ARHGAP29: variants seen among roughly 807,000 people sequenced by gnomAD.
The protein encoded by ARHGAP29 is rho GTPase-activating protein 29.
ARHGAP29 carries 43 observed loss-of-function variants against 122.6 expected under a neutral mutation model. The ratio of observed to expected loss-of-function variants is 0.35; its 90% CI spans 0.27 to 0.45. The LOEUF is 0.45. ARHGAP29 is among the 20% of genes least tolerant of loss of function. The pLI is 1.00. For missense variants in ARHGAP29, 1,303 were observed against 1,477.2 expected (o/e 0.88, Z 1.93); for synonymous variants, 506 against 497.1 (o/e 1.02, Z -0.24).
At position 94,200,548 on chromosome 1, in the gene ARHGAP29, G is replaced by A. The variant is rs140857559; in HGVS notation, c.1281+1172C>T. 1.2e-4 allele frequency among the ~76,000 whole-genome samples: 19 copies of A among 152,286 alleles called. No individual in the cohort carries two copies. In the East Asian group the frequency reaches 1.9e-3, roughly 15 times the overall value. ...AGCCAGTAATCCCACTCCTGGTATT[G>A]ACTTGAGAAACAAGAAAACTTATGT... On this transcript the variant is annotated intron_variant, in intron 12 of 22. Coordinates refer to ENST00000260526, the MANE Select transcript of ARHGAP29 (RefSeq NM_004815.4).
chr1:94,302,648 T>C, the ARHGAP29 span: 8 of 450,396 alleles, frequency 1.8e-5, no homozygotes, highest in Non-Finnish European at 3.6e-5. Context: ...TGCATGTGTC[T>C]ACTGGTGCTG....
the ARHGAP29 span, among the ~76,000 whole-genome samples, chr1:94,314,003 A>G: frequency 6.6e-6 from 1 of 152,206 alleles, no homozygotes; most frequent in African/African-American, 2.4e-5. Context: ...GAGGGATAGC[A>G]TTATGAGAAA....
the ARHGAP29 span, among the ~76,000 whole-genome samples, chr1:94,309,199 T>C: frequency 6.6e-6 from 1 of 152,240 alleles, no homozygotes; most frequent in Non-Finnish European, 1.5e-5. Flanking sequence ...CCCTATTTCA[T>C]AGTCACAACA....
chr1:94,228,147 C>T (rs3789687), intron 2 of ARHGAP29, among the ~76,000 whole-genome samples: 45,300 of 151,434 alleles, frequency 0.3, 7,207 homozygotes, highest in South Asian at 0.4. Context: ...AGAGATAAAC[C>T]GTATATGTAT....
At position 94,173,689 on chromosome 1, in the gene ARHGAP29, C is replaced by G; in HGVS notation, c.*180G>C. ...ATTCCAGTGAGGCACAAATGTGACC[C>G]TATCAAAACATTCTACCATTCAGTA... On this transcript the variant is annotated 3_prime_UTR_variant, in exon 23 of 23. Transcript: ENST00000260526. 1 of 654,286 alleles carries G rather than the reference C, an allele frequency of 1.5e-6. No individual in the cohort carries two copies. The highest frequency in any genetic ancestry group is 2.5e-6 in the Non-Finnish European group (1 of 402,874). The allele number at this position is 654,286 out of a possible 1,614,324, so 40.5% of individuals were successfully genotyped here. A position where few individuals can be genotyped will look rare whatever the true frequency, so the allele number is the denominator to read the frequency against.
At chr1:94,186,350 T>C in intron 16 of ARHGAP29, 149 bp downstream of exon 16, 1 of 532,594 alleles carries the variant, frequency 1.9e-6, no homozygotes. Context: ...TTATATATAA[T>C]TGTTGGGATA....
chr1:94,171,306 T>C lies in ARHGAP29; in HGVS notation c.*2563A>G, dbSNP rs560792470. Among the ~76,000 whole-genome samples the C allele has an allele frequency of 3.3e-5, 5 of 152,302 alleles. No individual in the cohort carries two copies. In the South Asian group the frequency reaches 1.0e-3, roughly 32 times the overall value. ...AACAAATACACTGCCTAAGGTACACTAAAAGTAATTTAACATACTGTACTC... is the reference window on the plus strand; with the variant it reads ...AACAAATACACTGCCTAAGGTACACCAAAAGTAATTTAACATACTGTACTC... On this transcript the variant is annotated 3_prime_UTR_variant, in exon 23 of 23. Coordinates refer to ENST00000260526, the MANE Select transcript of ARHGAP29 (RefSeq NM_004815.4).
intron 4 of ARHGAP29, 90 bp from the exon 5 acceptor site, chr1:94,208,994 T>A: frequency 1.6e-6 from 2 of 1,245,180 alleles, no homozygotes; most frequent in South Asian, 1.4e-5. Context: ...AATAATTTTT[T>A]AAAAATAAGA....
intron 12 of ARHGAP29, chr1:94,191,529 A>T (rs1650131918): frequency 1.3e-5 from 2 of 152,188 alleles, no homozygotes; most frequent in Admixed American, 1.3e-4. Flanking sequence ...AACAAAGAAA[A>T]TTCAAACTGC....
At chr1:94,307,889 C>G in the ARHGAP29 span, among the ~76,000 whole-genome samples, 4 of 152,170 alleles carry the variant, frequency 2.6e-5, no homozygotes, top group African/African-American at 9.7e-5. Flanking sequence ...TAAAGCAAGA[C>G]TTAACCCAAG....
upstream of ARHGAP29, among the ~76,000 whole-genome samples, chr1:94,241,775 AAC>A (rs10535568): frequency 0.48 from 69,230 of 145,648 alleles, 17,299 homozygotes; most frequent in Middle Eastern, 0.65. Flanking sequence ...AATAAATAAA[AAC>A]AGACATACTC....
Position 94,170,314 on chromosome 1 carries a change from G to A in ARHGAP29, c.*3555C>T, listed in dbSNP as rs1648650510. On this transcript the variant is annotated 3_prime_UTR_variant, in exon 23 of 23. Transcript: ENST00000260526. ...CATTTCTGTAGTATTGGACAAAAAT[G>A]TCTATCCTAAACCTTATGGGTCTTA... is the stretch of plus-strand genomic sequence containing the variant. 6.6e-6 allele frequency among the ~76,000 whole-genome samples: 1 copy of A among 152,188 alleles called. No individual in the cohort carries two copies. Among genetic ancestry groups the A allele is most frequent in the Non-Finnish European group, 1.5e-5 (1 of 68,036 alleles).
the ARHGAP29 span, among the ~76,000 whole-genome samples, chr1:94,301,266 T>C: frequency 5.3e-5 from 8 of 152,222 alleles, no homozygotes; most frequent in Non-Finnish European, 1.2e-4. Context: ...AATTAGTCAG[T>C]TTCTTTCTCT....
chr1:94,313,055 G>A, the ARHGAP29 span, among the ~76,000 whole-genome samples: 2 of 152,170 alleles, frequency 1.3e-5, no homozygotes, highest in African/African-American at 4.8e-5. Context: ...TGTCTAATGA[G>A]TGTGTGAAAC....
chr1:94,302,591 G>T, the ARHGAP29 span: 2 of 373,298 alleles, frequency 5.4e-6, no homozygotes, highest in Non-Finnish European at 5.3e-6. Context: ...TGGCCCCTCT[G>T]GGAAACTGTG....
the ARHGAP29 span, among the ~76,000 whole-genome samples, chr1:94,289,888 G>T: frequency 6.6e-6 from 1 of 152,160 alleles, no homozygotes; most frequent in Admixed American, 6.5e-5. Context: ...GCTGGATTCA[G>T]TTTGCCAGTA....
chr1:94,264,192 C>T (rs879522735), intron 1 of ARHGAP29, among the ~76,000 whole-genome samples: 6 of 152,224 alleles, frequency 3.9e-5, no homozygotes, highest in South Asian at 4.1e-4. Flanking sequence ...GAATGGCCAT[C>T]TGACTATGGC....
chr1:94,177,806 T>C, intron 21 of ARHGAP29, 46 bp downstream of exon 21: 1 of 1,552,540 alleles, frequency 6.4e-7, no homozygotes, highest in South Asian at 1.2e-5. Flanking sequence ...CTTATTAACA[T>C]AAATATTACA....
chr1:94,236,876 G>T (rs765367434), intron 1 of ARHGAP29, among the ~76,000 whole-genome samples: 30 of 152,094 alleles, frequency 2.0e-4, no homozygotes, highest in Non-Finnish European at 3.8e-4. Context: ...GGGCAGGTGG[G>T]AGCGGGAATA....
Sources: gnomAD v4.1 joint callset for allele counts (sites outside exome capture counted in the v4.1 genomes callset) on GRCh38, gnomAD v4.1.1 for gene constraint, MANE v1.5 for transcripts, NCBI Gene and HGNC (gene_info 2026-07-23, HGNC 2026-07-21) for gene names.